The following RPGRIP1L variants were observed in gnomAD, a reference collection of about 807,000 sequenced individuals.
The protein encoded by RPGRIP1L is protein fantom.
Under a neutral mutation model 160.4 loss-of-function variants are expected in RPGRIP1L, and 131 were observed. The observed-to-expected ratio is 0.82, with a 90% CI of 0.71 to 0.94. The LOEUF (loss-of-function observed/expected upper bound fraction) is 0.94, where lower values mean the gene tolerates loss of function less well. RPGRIP1L is among the 40% of genes least tolerant of loss of function. The pLI is 0.00. For missense variants in RPGRIP1L, 1,522 were observed against 1,535.8 expected (o/e 0.99, Z 0.15); for synonymous variants, 510 against 515.8 (o/e 0.99, Z 0.15).
chr16:53,609,602 G>C (rs986771740), intron 25 of RPGRIP1L, among the ~76,000 whole-genome samples: 1 of 152,100 alleles, frequency 6.6e-6, no homozygotes, highest in African/African-American at 2.4e-5. Context: ...CTACTGAATC[G>C]CAGCCCAGGA....
chr16:53,630,890 G>T (rs1448350657), intron 22 of RPGRIP1L, among the ~76,000 whole-genome samples: 1 of 151,852 alleles, frequency 6.6e-6, no homozygotes, highest in Non-Finnish European at 1.5e-5. Flanking sequence ...CCGCCAACAC[G>T]CCCGGCTAAT....
chr16:53,645,555 A>C, intron 17 of RPGRIP1L, 70 bp downstream of exon 17: 1 of 1,423,266 alleles, frequency 7.0e-7, no homozygotes, highest in Non-Finnish European at 9.6e-7. Flanking sequence ...TAAACGAATC[A>C]TATCCATAAC....
chr16:53,686,680 T>TA lies in RPGRIP1L; in HGVS notation c.633-105dup, dbSNP rs796911598. ...TTCATGAAAAAGAGCAAGCAGAAGT[T>TA]AAAAAATTTAGCTTAAGTGCCTCTG... On this transcript the variant is annotated intron_variant, in intron 5 of 26. Transcript: ENST00000647211. The TA allele has an allele frequency of 7.5e-5, 90 of 1,196,824 alleles. No homozygotes were observed. The African/African-American group carries it at 1.1e-3, about 14-fold the overall frequency. The allele number at this position is 1,196,824 out of a possible 1,614,324, so 74.1% of individuals were successfully genotyped here. A position where few individuals can be genotyped will look rare whatever the true frequency, so the allele number is the denominator to read the frequency against.
At chr16:53,698,541 T>G (rs1177317812) in intron 2 of RPGRIP1L, among the ~76,000 whole-genome samples, 20 of 92,952 alleles carry the variant, frequency 2.2e-4, no homozygotes, top group African/African-American at 4.7e-4. Context: ...GGGAGGGAGG[T>G]GGAGGGGTCA....
intron 15 of RPGRIP1L, among the ~76,000 whole-genome samples, chr16:53,649,535 C>T (rs1293392100): frequency 6.6e-6 from 1 of 152,166 alleles, no homozygotes; most frequent in Non-Finnish European, 1.5e-5. Flanking sequence ...TGACATTCCA[C>T]ATTCTAATTC....
intron 9 of RPGRIP1L, among the ~76,000 whole-genome samples, chr16:53,666,586 GTGTGTGTA>G (rs1968279860): frequency 7.3e-6 from 1 of 136,780 alleles, no homozygotes; most frequent in Non-Finnish European, 1.6e-5. Flanking sequence ...GTGTGTGTGT[GTGTGTGTA>G]TATATATATA....
At chr16:53,658,687 G>A (rs1037248842) in intron 11 of RPGRIP1L, 85 bp downstream of exon 11, 14 of 956,358 alleles carry the variant, frequency 1.5e-5, no homozygotes, top group Middle Eastern at 3.1e-4. Context: ...GTATGCTTTC[G>A]CTTTGTAGTA....
chr16:53,703,283 G>C (rs1971643412), intron 1 of RPGRIP1L: 1 of 151,998 alleles, frequency 6.6e-6, no homozygotes, highest in Admixed American at 6.6e-5. Flanking sequence ...ACAAAAAAAA[G>C]AATAAAGAAA....
chr16:53,635,401 T>G (rs1462501528), intron 22 of RPGRIP1L: 1 of 152,200 alleles, frequency 6.6e-6, no homozygotes, highest in Non-Finnish European at 1.5e-5. Context: ...GATGGGTATC[T>G]CTATTTCATG....
At chr16:53,624,184 G>C (rs1964919895) in intron 22 of RPGRIP1L, among the ~76,000 whole-genome samples, 1 of 152,172 alleles carries the variant, frequency 6.6e-6, no homozygotes, top group South Asian at 2.1e-4. Context: ...GAACCACAGT[G>C]CCCAGCCTAG....
intron 3 of RPGRIP1L, chr16:53,695,227 G>A (rs1970665102): frequency 9.4e-6 from 6 of 638,048 alleles, no homozygotes; most frequent in African/African-American, 1.8e-5. Context: ...ACTGGCTGAT[G>A]TGTGTGGGAT....
intron 2 of RPGRIP1L, among the ~76,000 whole-genome samples, chr16:53,699,444 G>T (rs573731780): frequency 6.8e-6 from 1 of 146,102 alleles, no homozygotes; most frequent in African/African-American, 2.5e-5. Context: ...GAAGAAGGTC[G>T]ATTTTCAACA....
In RPGRIP1L at chr16:53,605,533, G is replaced by A. The variant is rs1245403227; in HGVS notation, c.3783C>T (p.Asp1261=). 3 of 1,613,956 alleles carry A rather than the reference G, an allele frequency of 1.9e-6. No individual in the cohort carries two copies. In the Admixed American group the frequency reaches 5.0e-5, roughly 27 times the overall value. Residue 1261 remains aspartate (D), a synonymous_variant, in exon 26 of 27, where the codon GAC becomes GAT. Coordinates refer to ENST00000647211, the MANE Select transcript of RPGRIP1L (RefSeq NM_015272.5). ...TCCCTTCCTGAAACATGTCGGCAAG[G>A]TCGACGTGAGCCACGCCAATGTCCT... The part of the protein sequence containing the change: ...ECEDIGVAHV[D]LADMFQEGRD...
intron 9 of RPGRIP1L, 140 bp from the exon 10 acceptor site, chr16:53,665,149 G>T (rs1389197816): frequency 1.8e-6 from 2 of 1,095,696 alleles, no homozygotes; most frequent in Non-Finnish European, 2.6e-6. Context: ...GTCTGCTGCT[G>T]TTGAAACCAA....
intron 16 of RPGRIP1L, among the ~76,000 whole-genome samples, chr16:53,646,341 A>G (rs1966546801): frequency 6.6e-6 from 1 of 152,196 alleles, no homozygotes; most frequent in African/African-American, 2.4e-5. Flanking sequence ...AGATAGACGA[A>G]TGTCCTAACT....
chr16:53,663,991 T>C (rs1434093107), intron 10 of RPGRIP1L, among the ~76,000 whole-genome samples: 1 of 152,164 alleles, frequency 6.6e-6, no homozygotes, highest in Non-Finnish European at 1.5e-5. Context: ...AACGTAACTG[T>C]TTTTTAGTGA....
At chr16:53,662,811 T>C (rs1031788506) in intron 10 of RPGRIP1L, among the ~76,000 whole-genome samples, 2 of 152,080 alleles carry the variant, frequency 1.3e-5, no homozygotes, top group African/African-American at 4.8e-5. Context: ...GATTCAGTTC[T>C]AGCAATTTTT....
chr16:53,650,444 C>T (rs1480819217), intron 15 of RPGRIP1L, among the ~76,000 whole-genome samples: 3 of 152,126 alleles, frequency 2.0e-5, no homozygotes, highest in African/African-American at 7.2e-5. Flanking sequence ...ATCTTTCAAG[C>T]TGGGTGTAGT....
chr16:53,647,556 T>C (rs373734685), intron 16 of RPGRIP1L, among the ~76,000 whole-genome samples: 19 of 152,214 alleles, frequency 1.2e-4, no homozygotes, highest in African/African-American at 4.3e-4. Context: ...GAGGGCAGAA[T>C]CTGATTGGCT....
Sources: allele counts gnomAD v4.1 joint callset (sites outside exome capture counted in the v4.1 genomes callset), GRCh38; gene constraint gnomAD v4.1.1; transcripts MANE v1.5; gene names NCBI Gene and HGNC (gene_info 2026-07-23, HGNC 2026-07-21).